SCHIP1: variants seen among roughly 807,000 people sequenced by gnomAD.
SCHIP1 encodes schwannomin-interacting protein 1.
SCHIP1 carries 8 observed loss-of-function variants against 29.7 expected under a neutral mutation model. The ratio of observed to expected loss-of-function variants is 0.27; its 90% CI spans 0.16 to 0.49. The LOEUF (loss-of-function observed/expected upper bound fraction) is 0.49. Among genes scored for constraint, SCHIP1 ranks in the 20% least tolerant of loss-of-function variants. The pLI is 0.99. For missense variants in SCHIP1, 193 were observed against 294.6 expected (o/e 0.66, Z 2.52); for synonymous variants, 76 against 94.9 (o/e 0.80, Z 1.16).
At chr3:159,427,710 G>A in the SCHIP1 span, among the ~76,000 whole-genome samples, 1 of 151,786 alleles carries the variant, frequency 6.6e-6, no homozygotes, top group African/African-American at 2.4e-5. Context: ...AGTTCATATG[G>A]AACCAAAAAA....
the SCHIP1 span, among the ~76,000 whole-genome samples, chr3:159,712,801 GAGAA>G: frequency 4.6e-5 from 7 of 150,780 alleles, no homozygotes; most frequent in Non-Finnish European, 8.9e-5. Context: ...AAGAAAGAGA[GAGAA>G]AGAAAAAGAA....
the SCHIP1 span, among the ~76,000 whole-genome samples, chr3:159,431,561 G>C: frequency 6.6e-6 from 1 of 152,106 alleles, no homozygotes; most frequent in Non-Finnish European, 1.5e-5. Flanking sequence ...GGAGGAAGCA[G>C]AAAAGATTGG....
chr3:159,471,878 C>G, the SCHIP1 span, among the ~76,000 whole-genome samples: 1 of 152,084 alleles, frequency 6.6e-6, no homozygotes, highest in Non-Finnish European at 1.5e-5. Context: ...GCATGCTATC[C>G]TGTTATGTGT....
the SCHIP1 span, among the ~76,000 whole-genome samples, chr3:159,524,314 C>T: frequency 6.6e-6 from 1 of 152,216 alleles, no homozygotes; most frequent in Non-Finnish European, 1.5e-5. Context: ...TCTTCTCTCT[C>T]CCTTGGTCTA....
At chr3:159,856,042 A>G (rs1014882987) in intron 1 of SCHIP1, among the ~76,000 whole-genome samples, 1 of 152,206 alleles carries the variant, frequency 6.6e-6, no homozygotes, top group African/African-American at 2.4e-5. Context: ...TTTAAGAAGA[A>G]AAGTGCAGAC....
chr3:159,759,122 T>C, the SCHIP1 span, among the ~76,000 whole-genome samples: 1 of 152,230 alleles, frequency 6.6e-6, no homozygotes. Flanking sequence ...CGTGGTTTGC[T>C]AGAAAATAAA....
At chr3:159,371,030 T>C in the SCHIP1 span, among the ~76,000 whole-genome samples, 6 of 138,510 alleles carry the variant, frequency 4.3e-5, no homozygotes, top group African/African-American at 1.7e-4. Context: ...CAGAATAATA[T>C]ACTGGCTTAT....
chr3:159,473,031 A>C, the SCHIP1 span, among the ~76,000 whole-genome samples: 1 of 152,222 alleles, frequency 6.6e-6, no homozygotes, highest in Non-Finnish European at 1.5e-5. Context: ...TAGAAAAATA[A>C]AAAGAATGCT....
chr3:159,564,382 T>C, the SCHIP1 span, among the ~76,000 whole-genome samples: 1 of 118,070 alleles, frequency 8.5e-6, no homozygotes, highest in Non-Finnish European at 1.6e-5. Flanking sequence ...GTTATCTTGA[T>C]TTTTTTTTTT....
At chr3:159,715,771 C>T in the SCHIP1 span, among the ~76,000 whole-genome samples, 1 of 152,158 alleles carries the variant, frequency 6.6e-6, no homozygotes, top group Non-Finnish European at 1.5e-5. Context: ...AAATCTACAT[C>T]TGATTGGTAT....
At chr3:159,609,906 A>G in the SCHIP1 span, among the ~76,000 whole-genome samples, 1 of 152,164 alleles carries the variant, frequency 6.6e-6, no homozygotes, top group Non-Finnish European at 1.5e-5. Context: ...TCAGACATGC[A>G]TTATGGAAAG....
the SCHIP1 span, among the ~76,000 whole-genome samples, chr3:159,455,354 G>A: frequency 6.6e-6 from 1 of 152,172 alleles, no homozygotes; most frequent in Non-Finnish European, 1.5e-5. Context: ...GCTAACTGGG[G>A]CAAAGTCTGA....
At chr3:159,439,042 C>T in the SCHIP1 span, among the ~76,000 whole-genome samples, 5 of 152,126 alleles carry the variant, frequency 3.3e-5, no homozygotes, top group South Asian at 6.2e-4. Context: ...TATTTCTGCC[C>T]GTAGGTCTTT....
the SCHIP1 span, among the ~76,000 whole-genome samples, chr3:159,599,838 C>T: frequency 6.6e-6 from 1 of 152,164 alleles, no homozygotes; most frequent in Admixed American, 6.5e-5. Flanking sequence ...CATGTGTTTT[C>T]ATGATGGTAG....
the SCHIP1 span, among the ~76,000 whole-genome samples, chr3:159,379,066 T>A: frequency 6.6e-6 from 1 of 152,198 alleles, no homozygotes; most frequent in East Asian, 1.9e-4. Flanking sequence ...TGTTTGTCTC[T>A]GATAGCAGGG....
the SCHIP1 span, among the ~76,000 whole-genome samples, chr3:159,518,340 A>T: frequency 6.6e-6 from 1 of 152,092 alleles, no homozygotes; most frequent in Non-Finnish European, 1.5e-5. Flanking sequence ...AAAGGATTTT[A>T]ATGGTTATTT....
chr3:159,747,882 T>G, the SCHIP1 span, among the ~76,000 whole-genome samples: 42,157 of 152,102 alleles, frequency 0.28, 5,890 homozygotes, highest in Middle Eastern at 0.35. Flanking sequence ...AAGTTCAGAT[T>G]TTTAATGTAG....
the SCHIP1 span, among the ~76,000 whole-genome samples, chr3:159,582,386 T>C: frequency 6.6e-6 from 1 of 152,026 alleles, no homozygotes; most frequent in African/African-American, 2.4e-5. Context: ...GGGCTGGTCT[T>C]GAATTCCTGG....
At chr3:159,342,104 T>C in the SCHIP1 span, among the ~76,000 whole-genome samples, 336 of 152,306 alleles carry the variant, frequency 2.2e-3, 2 homozygotes, top group African/African-American at 7.6e-3. Flanking sequence ...TGACTGGCTT[T>C]GCTTTGCTTC....
Sources: gnomAD v4.1 joint callset for allele counts (sites outside exome capture counted in the v4.1 genomes callset) on GRCh38, gnomAD v4.1.1 for gene constraint, MANE v1.5 for transcripts, NCBI Gene and HGNC (gene_info 2026-07-23, HGNC 2026-07-21) for gene names.